Variants in DOK6 observed in about 807,000 individuals in gnomAD.
DOK6 encodes the protein docking protein 6, also known as downstream of tyrosine kinase 6.
DOK6 carries 22 observed loss-of-function variants against 44.0 expected under a neutral mutation model. The ratio of observed to expected loss-of-function variants is 0.50; its 90% CI spans 0.36 to 0.71. DOK6 has a LOEUF of 0.71. Ranked by LOEUF, DOK6 falls within the 30% of genes least tolerant of loss-of-function variation. The pLI is 0.00. For missense variants in DOK6, 340 were observed against 416.4 expected, an observed-to-expected ratio of 0.82 and a Z score of 1.60; for synonymous variants, 166 against 145.5, an observed-to-expected ratio of 1.14 and a Z score of -1.01.
chr18:69,809,805 C>A (rs1981167775), intron 7 of DOK6, among the ~76,000 whole-genome samples: 1 of 151,386 alleles, frequency 6.6e-6, no homozygotes, highest in African/African-American at 2.4e-5. Context: ...CACAGAAAAC[C>A]ACATAACATT....
At position 69,847,773 on chromosome 18, in the gene DOK6, A is replaced by AAATAT. The variant is rs1555674698; in HGVS notation, c.*6391_*6392insATATA. On this transcript the variant is annotated 3_prime_UTR_variant, in exon 8 of 8. Transcript: ENST00000382713. ...AATGCTTACTCTTGTAAAAAAAAAA[A>AAATAT]ATATATATATATGTATCAGCAGGTA... 1 of 150,522 alleles carries AAATAT rather than the reference A, an allele frequency of 6.6e-6. No homozygotes were observed. Among genetic ancestry groups the AAATAT allele is most frequent in the African/African-American group, 2.4e-5 (1 of 41,054 alleles). 9.3% of individuals were successfully genotyped at this position (150,522 alleles called of 1,614,324 possible).
chr18:69,512,596 G>A (rs927811700), intron 1 of DOK6, among the ~76,000 whole-genome samples: 3 of 151,892 alleles, frequency 2.0e-5, no homozygotes, highest in Non-Finnish European at 2.9e-5. Flanking sequence ...CGTCCGCCTC[G>A]GCCTCCAAAA....
chr18:69,714,811 A>G (rs1306828725), intron 5 of DOK6, among the ~76,000 whole-genome samples: 1 of 152,208 alleles, frequency 6.6e-6, no homozygotes. Flanking sequence ...GCAAAATGTG[A>G]TGAGTGTATT....
intron 3 of DOK6, among the ~76,000 whole-genome samples, chr18:69,625,844 G>T (rs1211956636): frequency 6.6e-6 from 1 of 152,118 alleles, no homozygotes; most frequent in Non-Finnish European, 1.5e-5. Flanking sequence ...TTGTCTCAAC[G>T]GTTTAATGCA....
At chr18:69,717,332 C>T (rs1986906566) in intron 5 of DOK6, among the ~76,000 whole-genome samples, 1 of 151,956 alleles carries the variant, frequency 6.6e-6, no homozygotes, top group Non-Finnish European at 1.5e-5. Flanking sequence ...GGGTAAAACA[C>T]AAGCTTTGAA....
chr18:69,630,753 G>A (rs9961806), intron 3 of DOK6, among the ~76,000 whole-genome samples: 33,851 of 152,106 alleles, frequency 0.22, 4,022 homozygotes, highest in Middle Eastern at 0.4. Flanking sequence ...ATTATACTGT[G>A]ACTGCATGTA....
chr18:69,404,405 A>G (rs1355403384), intron 1 of DOK6, among the ~76,000 whole-genome samples: 1 of 152,218 alleles, frequency 6.6e-6, no homozygotes, highest in Non-Finnish European at 1.5e-5. Context: ...ATATCCAGTC[A>G]GTTTTTGGTT....
intron 1 of DOK6, among the ~76,000 whole-genome samples, chr18:69,515,486 C>T (rs1981496058): frequency 6.6e-6 from 1 of 152,108 alleles, no homozygotes; most frequent in African/African-American, 2.4e-5. Flanking sequence ...GTGTCATTGC[C>T]ATAAAGCCAG....
chr18:69,622,915 A>C (rs2144639800), intron 3 of DOK6, among the ~76,000 whole-genome samples: 1 of 152,314 alleles, frequency 6.6e-6, no homozygotes, highest in Middle Eastern at 3.4e-3. Flanking sequence ...ATCACACGGA[A>C]GTGAAATAAA....
At chr18:69,695,820 T>A (rs541014398) in intron 4 of DOK6, among the ~76,000 whole-genome samples, 1 of 152,336 alleles carries the variant, frequency 6.6e-6, no homozygotes, top group South Asian at 2.1e-4. Context: ...AATGTCTTTC[T>A]AAAGTTGCAA....
intron 1 of DOK6, among the ~76,000 whole-genome samples, chr18:69,494,444 C>G (rs1394276444): frequency 6.6e-6 from 1 of 151,740 alleles, no homozygotes; most frequent in Non-Finnish European, 1.5e-5. Context: ...CCACTACACT[C>G]CAGCCTGGGT....
At chr18:69,612,440 A>AGGGCGCATGTGTGCGG (rs1984173247) in intron 3 of DOK6, among the ~76,000 whole-genome samples, 1 of 146,748 alleles carries the variant, frequency 6.8e-6, no homozygotes, top group African/African-American at 2.5e-5. Flanking sequence ...CATGTGTGCG[A>AGGGCGCATGTGTGCGG]GGGCGCATGT....
intron 7 of DOK6, among the ~76,000 whole-genome samples, chr18:69,822,435 AT>A (rs1471237972): frequency 1.3e-5 from 2 of 149,460 alleles, no homozygotes; most frequent in African/African-American, 2.5e-5. Flanking sequence ...GGCTAATTGA[AT>A]CCCAATTCCC....
At chr18:69,662,518 G>A (rs544423845) in intron 3 of DOK6, 6 of 152,214 alleles carry the variant, frequency 3.9e-5, no homozygotes, top group African/African-American at 9.6e-5. Flanking sequence ...CTCCAAATCT[G>A]GGTTGTTTCC....
At chr18:69,595,509 T>C (rs2057418069) in intron 2 of DOK6, among the ~76,000 whole-genome samples, 1 of 152,214 alleles carries the variant, frequency 6.6e-6, no homozygotes, top group Non-Finnish European at 1.5e-5. Flanking sequence ...TATTTATTTG[T>C]AAGCTGCTGA....
intron 3 of DOK6, among the ~76,000 whole-genome samples, chr18:69,606,773 T>G (rs76703278): frequency 0.027 from 4,094 of 149,360 alleles, 116 homozygotes; most frequent in East Asian, 0.15. Context: ...TTTTTTTTTT[T>G]TTTTGGAGAC....
At chr18:69,643,413 C>T (rs969061949) in intron 3 of DOK6, among the ~76,000 whole-genome samples, 1 of 152,118 alleles carries the variant, frequency 6.6e-6, no homozygotes, top group African/African-American at 2.4e-5. Context: ...CTTTTAGAAC[C>T]ACATTCACCT....
In DOK6 at chr18:69,468,383, G is replaced by T. The variant is rs74726569; in HGVS notation, c.66+67073G>T. ...ATATGCTTGTATCAAAATGTCATAT[G>T]TGCCCCATAAATATGTGTAACTATT... On this transcript the variant is annotated intron_variant, in intron 1 of 7. Transcript: ENST00000382713. Among the ~76,000 whole-genome samples the T allele has an allele frequency of 2.9e-3, 448 of 152,254 alleles. 3 individuals carry two copies. The highest frequency in any genetic ancestry group is 0.01 in the African/African-American group (419 of 41,540).
At chr18:69,608,377 C>T (rs78836636) in intron 3 of DOK6, among the ~76,000 whole-genome samples, 1,667 of 152,184 alleles carry the variant, frequency 0.011, 21 homozygotes, top group African/African-American at 0.038. Context: ...TCTGCCTTCA[C>T]GCCAGTATTA....
Sources: gnomAD v4.1 joint callset for allele counts (sites outside exome capture counted in the v4.1 genomes callset) on GRCh38, gnomAD v4.1.1 for gene constraint, MANE v1.5 for transcripts, NCBI Gene and HGNC (gene_info 2026-07-23, HGNC 2026-07-21) for gene names.